NUP88: variants seen among roughly 807,000 people sequenced by gnomAD.
The protein encoded by NUP88 is nuclear pore complex protein Nup88.
Under a neutral mutation model 93.9 loss-of-function variants are expected in NUP88, and 57 were observed. That is an observed-to-expected ratio of 0.61 (90% confidence interval 0.49 to 0.76). The LOEUF (loss-of-function observed/expected upper bound fraction) is 0.76, where lower values mean the gene tolerates loss of function less well. Among genes scored for constraint, NUP88 ranks in the 30% least tolerant of loss-of-function variants. The probability of loss-of-function intolerance (pLI) is 0.00; values close to 1 mark genes in which losing one functional copy is unlikely to be tolerated. For synonymous variants in NUP88, 346 were observed against 336.8 expected, an observed-to-expected ratio of 1.03 and a Z score of -0.30; for missense variants, 911 against 901.0, an observed-to-expected ratio of 1.01 and a Z score of -0.14.
chr17:5,387,135 T>C, intron 14 of NUP88, 25 bp from the exon 15 acceptor site: 1 of 1,611,258 alleles, frequency 6.2e-7, no homozygotes, highest in Non-Finnish European at 8.5e-7. Flanking sequence ...AGCAAACATC[T>C]CAATTTAAGG....
chr17:5,387,515 G>A (rs747596024), intron 13 of NUP88, 49 bp from the exon 14 acceptor site: 3 of 1,599,128 alleles, frequency 1.9e-6, no homozygotes, highest in East Asian at 4.5e-5. Context: ...CCTTGATGCT[G>A]AAACCACCTA....
intron 7 of NUP88, among the ~76,000 whole-genome samples, chr17:5,403,301 C>A (rs1052767422): frequency 2.0e-5 from 3 of 147,144 alleles, no homozygotes; most frequent in Non-Finnish European, 4.6e-5. Context: ...TATGGTGAGA[C>A]CCCCGTCTCT....
intron 7 of NUP88, among the ~76,000 whole-genome samples, chr17:5,402,609 A>T (rs1406094170): frequency 6.6e-6 from 1 of 152,234 alleles, no homozygotes; most frequent in Admixed American, 6.5e-5. Context: ...TACCAGAACT[A>T]GGCAAACTGG....
Position 5,410,717 on chromosome 17 carries a change from T to C in NUP88, c.666A>G (p.Leu222=), listed in dbSNP as rs1204134155. The C allele has an allele frequency of 2.5e-6, 4 of 1,604,738 alleles. No homozygotes were observed. Among genetic ancestry groups the C allele is most frequent in the East Asian group, 2.2e-5 (1 of 44,812 alleles). ...IILSEAEEES[L]VLNKGRAYTA... is the part of the protein sequence containing the mutation. ...TAAAAACTTACCCTTTATTGAGTAC[T>C]AGACTTTCCTCTTCGGCTTCTGAAA... The change falls in exon 4 of 17, where the codon CTA becomes CTG. Residue 222 remains leucine, a synonymous_variant. Transcript: ENST00000573584.
intron 10 of NUP88, among the ~76,000 whole-genome samples, chr17:5,391,293 G>T (rs1041392408): frequency 1.3e-5 from 2 of 152,100 alleles, no homozygotes; most frequent in African/African-American, 4.8e-5. Flanking sequence ...ATGGAATTTG[G>T]TATTCAATTT....
chr17:5,412,469 C>G (rs1327995852), intron 3 of NUP88, among the ~76,000 whole-genome samples: 2 of 152,162 alleles, frequency 1.3e-5, no homozygotes, highest in East Asian at 3.8e-4. Context: ...GTATCACGTT[C>G]AGTACTATCT....
rs376988087 is a variant in NUP88 at position 5,404,081 on chromosome 17, A to G, written c.1192+18T>C. ...AAAAATCATGGGAAAAAAGCACTAC[A>G]TTTATTGAAGAGCTTACCTCTATGA... is the stretch of plus-strand genomic sequence containing the variant. On this transcript the variant is annotated intron_variant, in intron 7 of 16. Coordinates refer to ENST00000573584, the MANE Select transcript of NUP88 (RefSeq NM_002532.6). 2.6e-5 allele frequency: 42 copies of G among 1,612,022 alleles called. No individual in the cohort carries two copies. The African/African-American group carries it at 4.3e-4, about 16-fold the overall frequency.
chr17:5,409,190 A>T (rs1413990555), intron 4 of NUP88, among the ~76,000 whole-genome samples: 7 of 152,286 alleles, frequency 4.6e-5, no homozygotes, highest in South Asian at 2.1e-4. Context: ...CCTGGCCAAC[A>T]TGGTGAAACC....
intron 5 of NUP88, among the ~76,000 whole-genome samples, chr17:5,405,761 T>G (rs1025051573): frequency 2.0e-5 from 3 of 152,242 alleles, no homozygotes; most frequent in African/African-American, 7.2e-5. Context: ...TAACGACTAC[T>G]GCTACTCAAC....
chr17:5,386,295 T>C (rs775469955), intron 16 of NUP88, 26 bp from the exon 17 acceptor site: 2 of 1,544,806 alleles, frequency 1.3e-6, no homozygotes, highest in Non-Finnish European at 1.8e-6. Context: ...GTCACTCACT[T>C]TTGGAATTAT....
chr17:5,419,654 G>A lies in NUP88; in HGVS notation c.-4C>T, dbSNP rs1914493604. On this transcript the variant is annotated 5_prime_UTR_variant, in exon 1 of 17. Coordinates refer to ENST00000573584, the MANE Select transcript of NUP88 (RefSeq NM_002532.6). ...CCGGTCCCTCGGCGGCCGCCATCTT[G>A]GCCCAACTGCTCCCCTCACTCCAGT... The A allele has an allele frequency of 1.9e-6, 3 of 1,582,700 alleles. No individual in the cohort carries two copies. Among genetic ancestry groups the A allele is most frequent in the Non-Finnish European group, 2.6e-6 (3 of 1,164,538 alleles).
intron 16 of NUP88, 148 bp from the exon 17 acceptor site, chr17:5,386,417 TC>T (rs1421271040): frequency 5.8e-6 from 4 of 694,258 alleles, no homozygotes; most frequent in Non-Finnish European, 7.5e-6. Flanking sequence ...GCAATAGTGT[TC>T]ACTATTCATT....
At chr17:5,393,526 G>A (rs1031439410) in intron 9 of NUP88, among the ~76,000 whole-genome samples, 1 of 143,030 alleles carries the variant, frequency 7.0e-6, no homozygotes, top group Non-Finnish European at 1.5e-5. Flanking sequence ...AACCTGTGCT[G>A]CCCGGGTTCA....
chr17:5,389,362 T>C lies in NUP88; in HGVS notation c.1485-402A>G, dbSNP rs185675531. Among the ~76,000 whole-genome samples the C allele has an allele frequency of 5.3e-5, 8 of 152,362 alleles. No individual in the cohort carries two copies. In the East Asian group the frequency reaches 1.2e-3, roughly 22 times the overall value. On this transcript the variant is annotated intron_variant, in intron 10 of 16. Transcript: ENST00000573584. ...TGCTGTATATACCATATTGGTTCTA[T>C]ATAATTTCATTTCTAAAAACTATTC...
chr17:5,396,435 G>C (rs1375544960), intron 8 of NUP88, among the ~76,000 whole-genome samples: 1 of 152,188 alleles, frequency 6.6e-6, no homozygotes, highest in Non-Finnish European at 1.5e-5. Flanking sequence ...TCTGTTCACA[G>C]TTCATCCATA....
Position 5,399,571 on chromosome 17 carries a change from A to C in NUP88, c.1272T>G (p.Leu424=). The C allele has an allele frequency of 6.3e-7, 1 of 1,598,216 alleles. No homozygotes were observed. The highest frequency in any genetic ancestry group is 1.7e-5 in the Admixed American group (1 of 59,188). ...ACTCACCTGATCCAAGAAATTTGTG[A>C]AGTTTATGAATCCAAGTTAGCCCAA... is the stretch of plus-strand genomic sequence containing the variant. The part of the protein sequence containing the change: ...HSVGLTWIHK[L]HKFLGSDEED... The change falls in exon 8 of 17, where the codon CTT becomes CTG. Residue 424 remains leucine, a synonymous_variant. Coordinates refer to ENST00000573584, the MANE Select transcript of NUP88 (RefSeq NM_002532.6).
In NUP88 at chr17:5,387,644, T is replaced by G; in HGVS notation, c.1796A>C (p.Lys599Thr). The change falls in exon 13 of 17, where the codon AAG (lysine) becomes ACG (threonine). Residue 599 changes from lysine to threonine, a missense_variant. Transcript: ENST00000573584. ...ATAACTGAGATCTTCTAGTTGTTTC[T>G]TTTTTTGGTCACATAATAATTTGAC... ...RRVKLLCDQK[K>T]KQLEDLSYCR... 1 of 1,611,316 alleles carries G rather than the reference T, an allele frequency of 6.2e-7. No homozygotes were observed. Among genetic ancestry groups the G allele is most frequent in the Non-Finnish European group, 8.5e-7 (1 of 1,178,146 alleles).
intron 8 of NUP88, among the ~76,000 whole-genome samples, chr17:5,398,374 C>T (rs374925504): frequency 5.3e-5 from 8 of 151,684 alleles, no homozygotes; most frequent in African/African-American, 1.7e-4. Flanking sequence ...ACTGCAACTC[C>T]GCCTCCTGGG....
At chr17:5,407,566 C>T (rs1567574363) in intron 5 of NUP88, among the ~76,000 whole-genome samples, 1 of 152,206 alleles carries the variant, frequency 6.6e-6, no homozygotes. Flanking sequence ...AAATTCTTAT[C>T]CTGTATAGAC....
Sources: gnomAD v4.1 joint callset for allele counts (sites outside exome capture counted in the v4.1 genomes callset) on GRCh38, gnomAD v4.1.1 for gene constraint, MANE v1.5 for transcripts, NCBI Gene and HGNC (gene_info 2026-07-23, HGNC 2026-07-21) for gene names.